GLRA3: variants seen among roughly 807,000 people sequenced by gnomAD.
GLRA3 encodes the protein glycine receptor alpha 3, also known as glycine receptor subunit alpha-3.
GLRA3 carries 44 observed loss-of-function variants against 60.4 expected under a neutral mutation model. That is an observed-to-expected ratio of 0.73 (90% CI 0.57 to 0.94). GLRA3 has a LOEUF of 0.94. Among genes scored for constraint, GLRA3 ranks in the 40% least tolerant of loss-of-function variants. GLRA3 has a pLI of 0.00. For missense variants in GLRA3, 508 were observed against 564.6 expected, an observed-to-expected ratio of 0.90 and a Z score of 1.02; for synonymous variants, 223 against 192.9, an observed-to-expected ratio of 1.16 and a Z score of -1.29.
intron 4 of GLRA3, among the ~76,000 whole-genome samples, chr4:174,721,162 G>A (rs1246227774): frequency 6.6e-6 from 1 of 151,994 alleles, no homozygotes; most frequent in Non-Finnish European, 1.5e-5. Flanking sequence ...CCGAGTAGCT[G>A]AGATTACAGG....
chr4:174,795,864 C>T (rs910002821), intron 1 of GLRA3, among the ~76,000 whole-genome samples: 4 of 152,138 alleles, frequency 2.6e-5, no homozygotes, highest in East Asian at 3.9e-4. Context: ...GTAAATGATC[C>T]GTTGGTTCCC....
intron 5 of GLRA3, among the ~76,000 whole-genome samples, chr4:174,693,706 A>G (rs1331144568): frequency 6.6e-6 from 1 of 152,152 alleles, no homozygotes; most frequent in Non-Finnish European, 1.5e-5. Context: ...TGTTAATTTT[A>G]TAGAAATAGC....
intron 9 of GLRA3, among the ~76,000 whole-genome samples, chr4:174,652,188 C>T (rs569050081): frequency 3.9e-5 from 6 of 152,070 alleles, no homozygotes; most frequent in African/African-American, 4.8e-5. Flanking sequence ...TGTATGCTTA[C>T]GTGTGCAGTG....
intron 6 of GLRA3, among the ~76,000 whole-genome samples, chr4:174,681,234 T>A (rs1055372372): frequency 1.9e-4 from 29 of 152,160 alleles, no homozygotes; most frequent in African/African-American, 6.5e-4. Flanking sequence ...TATGCAAACT[T>A]ACTTTACACT....
chr4:174,780,614 G>A (rs1738828543), intron 2 of GLRA3, among the ~76,000 whole-genome samples: 1 of 150,614 alleles, frequency 6.6e-6, no homozygotes, highest in Non-Finnish European at 1.5e-5. Flanking sequence ...AAAGGATGGA[G>A]GAAGATCTAC....
chr4:174,782,272 T>C (rs1738911901), intron 2 of GLRA3, among the ~76,000 whole-genome samples: 1 of 151,548 alleles, frequency 6.6e-6, no homozygotes, highest in South Asian at 2.1e-4. Flanking sequence ...CAACAACCCT[T>C]CATGCTAAAA....
At chr4:174,824,958 C>A (rs973167403) in intron 1 of GLRA3, among the ~76,000 whole-genome samples, 1 of 152,016 alleles carries the variant, frequency 6.6e-6, no homozygotes, top group East Asian at 1.9e-4. Context: ...ACATAGTAAA[C>A]ACATAATTGC....
chr4:174,733,983 C>A (rs1348313656), intron 3 of GLRA3, among the ~76,000 whole-genome samples: 2 of 152,102 alleles, frequency 1.3e-5, no homozygotes, highest in Non-Finnish European at 2.9e-5. Flanking sequence ...AATATTATTA[C>A]CAGTTTTCGA....
intron 7 of GLRA3, among the ~76,000 whole-genome samples, chr4:174,671,440 G>A (rs1302064131): frequency 6.6e-6 from 1 of 151,970 alleles, no homozygotes; most frequent in Admixed American, 6.6e-5. Flanking sequence ...GAACACAACA[G>A]TGAATATAAA....
rs568488411 is a variant in GLRA3 at position 174,701,400 on chromosome 4, G to C, written c.574+14088C>G. Reference sequence around the variant, plus strand: ...AAAAGATTCCTTTCAAAATATCACTGCTGATGCCAATTAACCCAGTCAACC... The same window carrying C: ...AAAAGATTCCTTTCAAAATATCACTCCTGATGCCAATTAACCCAGTCAACC... On this transcript the variant is annotated intron_variant, in intron 5 of 9. Coordinates refer to ENST00000274093, the MANE Select transcript of GLRA3 (RefSeq NM_006529.4). Among the ~76,000 whole-genome samples, 14 of 152,258 alleles carry C rather than the reference G, an allele frequency of 9.2e-5. No homozygotes were observed. The South Asian group carries it at 2.9e-3, about 32-fold the overall frequency.
At chr4:174,780,649 T>G (rs1476954758) in intron 2 of GLRA3, among the ~76,000 whole-genome samples, 8 of 150,508 alleles carry the variant, frequency 5.3e-5, no homozygotes, top group African/African-American at 7.3e-5. Flanking sequence ...ACAAAAAAAG[T>G]CAGGGGTTGC....
At chr4:174,780,568 C>A in intron 2 of GLRA3, among the ~76,000 whole-genome samples, 1 of 147,112 alleles carries the variant, frequency 6.8e-6, no homozygotes, top group African/African-American at 2.5e-5. Flanking sequence ...TCAGGAAACC[C>A]ATCTCACATG....
At chr4:174,751,051 C>T (rs1250386811) in intron 3 of GLRA3, among the ~76,000 whole-genome samples, 1 of 91,344 alleles carries the variant, frequency 1.1e-5, no homozygotes, top group Admixed American at 1.4e-4. Context: ...AAAGAGAAGC[C>T]TGTCTGTCTG....
At chr4:174,823,159 C>T (rs996574855) in intron 1 of GLRA3, among the ~76,000 whole-genome samples, 1 of 152,082 alleles carries the variant, frequency 6.6e-6, no homozygotes, top group Admixed American at 6.6e-5. Flanking sequence ...TCTGGAGTTA[C>T]TTGTCTCTTT....
Position 174,641,111 on chromosome 4 carries a change from T to A in GLRA3, c.*2675A>T, listed in dbSNP as rs1732613878. ...GAATCAAATATTTCAATGATTGACATACAAATAATTCTTTTTAAGAAAATG... is the reference window on the plus strand; with the variant it reads ...GAATCAAATATTTCAATGATTGACAAACAAATAATTCTTTTTAAGAAAATG... On this transcript the variant is annotated 3_prime_UTR_variant, in exon 10 of 10. Transcript: ENST00000274093. The A allele has an allele frequency of 6.6e-6, 1 of 152,132 alleles. No homozygotes were observed. The highest frequency in any genetic ancestry group is 2.4e-5 in the African/African-American group (1 of 41,454). The allele number at this position is 152,132 out of a possible 1,614,324, so 9.4% of individuals were successfully genotyped here.
chr4:174,768,204 G>T (rs772859965), intron 2 of GLRA3, among the ~76,000 whole-genome samples: 11 of 152,106 alleles, frequency 7.2e-5, no homozygotes, highest in Non-Finnish European at 1.2e-4. Context: ...TTGTTTAGGG[G>T]TGGCTGGATT....
chr4:174,758,962 G>A (rs1444695911), intron 3 of GLRA3, among the ~76,000 whole-genome samples: 1 of 152,010 alleles, frequency 6.6e-6, no homozygotes, highest in Non-Finnish European at 1.5e-5. Flanking sequence ...CCTATTTTAT[G>A]TTTGTTTTGT....
At chr4:174,730,493 A>C (rs1256680058) in intron 3 of GLRA3, among the ~76,000 whole-genome samples, 1 of 152,226 alleles carries the variant, frequency 6.6e-6, no homozygotes. Flanking sequence ...AGTTGTTTGA[A>C]GCACTTTTGC....
chr4:174,697,776 A>G (rs1210537909), intron 5 of GLRA3, among the ~76,000 whole-genome samples: 1 of 152,174 alleles, frequency 6.6e-6, no homozygotes, highest in African/African-American at 2.4e-5. Flanking sequence ...AACTTTGTTC[A>G]TATTTCTCAA....
Sources: gnomAD v4.1 joint callset for allele counts (sites outside exome capture counted in the v4.1 genomes callset) on GRCh38, gnomAD v4.1.1 for gene constraint, MANE v1.5 for transcripts, NCBI Gene and HGNC (gene_info 2026-07-23, HGNC 2026-07-21) for gene names.